Variants in NPAS3 observed in about 807,000 individuals in gnomAD.
NPAS3 encodes the protein neuronal PAS domain-containing protein 3.
NPAS3 carries 14 observed loss-of-function variants against 73.1 expected under a neutral mutation model. The ratio of observed to expected loss-of-function variants is 0.19; its 90% confidence interval spans 0.13 to 0.30. The LOEUF (loss-of-function observed/expected upper bound fraction) is 0.30, where lower values mean the gene tolerates loss of function less well. NPAS3 is among the 10% of genes least tolerant of loss of function. The pLI, the probability that NPAS3 is intolerant of heterozygous loss-of-function variation, is 1.00. For missense variants in NPAS3, 1,096 were observed against 1,250.0 expected (o/e 0.88, Z 1.86); for synonymous variants, 620 against 541.5 (o/e 1.14, Z -2.01).
intron 3 of NPAS3, among the ~76,000 whole-genome samples, chr14:33,350,500 C>T (rs1337091166): frequency 6.6e-6 from 1 of 152,148 alleles, no homozygotes; most frequent in African/African-American, 2.4e-5. Context: ...CCAAATCGTA[C>T]ATTAAACTAG....
At chr14:33,153,236 C>A (rs184217850) in intron 2 of NPAS3, among the ~76,000 whole-genome samples, 4 of 151,120 alleles carry the variant, frequency 2.6e-5, no homozygotes, top group Non-Finnish European at 1.5e-5. Flanking sequence ...TCATCTGAGT[C>A]GTATCTTCTG....
chr14:33,325,530 C>G (rs567995444), intron 3 of NPAS3, among the ~76,000 whole-genome samples: 1 of 151,494 alleles, frequency 6.6e-6, no homozygotes, highest in African/African-American at 2.4e-5. Context: ...CTTGTAATCC[C>G]AGCTACACAG....
intron 2 of NPAS3, among the ~76,000 whole-genome samples, chr14:33,059,388 GT>G (rs1442761928): frequency 9.2e-5 from 14 of 152,106 alleles, no homozygotes; most frequent in Admixed American, 8.5e-4. Context: ...AATAGTAATA[GT>G]TACTCTAACT....
Position 33,533,697 on chromosome 14 carries a change from T to C in NPAS3, c.469-26424T>C, listed in dbSNP as rs144849258. ...TTTGAAACCATGCTCCATAGAGGAATGGTTAAATTTATTATGAAATACCAT... is the reference window on the plus strand; with the variant it reads ...TTTGAAACCATGCTCCATAGAGGAACGGTTAAATTTATTATGAAATACCAT... On this transcript the variant is annotated intron_variant, in intron 4 of 11. Transcript: ENST00000356141. 2.0e-4 allele frequency among the ~76,000 whole-genome samples: 31 copies of C among 152,268 alleles called. 1 individual carries two copies. The highest frequency in any genetic ancestry group is 8.8e-5 in the Non-Finnish European group (6 of 68,002).
chr14:33,074,038 C>G (rs1442416988), intron 2 of NPAS3, among the ~76,000 whole-genome samples: 1 of 152,094 alleles, frequency 6.6e-6, no homozygotes, highest in African/African-American at 2.4e-5. Flanking sequence ...TGTTCTAGTC[C>G]CAGTATGCTG....
chr14:33,331,914 C>G (rs550428439), intron 3 of NPAS3, among the ~76,000 whole-genome samples: 1 of 152,256 alleles, frequency 6.6e-6, no homozygotes, highest in Admixed American at 6.5e-5. Flanking sequence ...TATCGGATTC[C>G]CTGACCTATA....
At chr14:33,293,825 A>G (rs1420074332) in intron 3 of NPAS3, among the ~76,000 whole-genome samples, 1 of 152,248 alleles carries the variant, frequency 6.6e-6, no homozygotes, top group East Asian at 1.9e-4. Context: ...GTTTAGAATT[A>G]ATTAGCCAGA....
intron 2 of NPAS3, among the ~76,000 whole-genome samples, chr14:33,114,913 A>G (rs568487200): frequency 2.5e-4 from 38 of 152,296 alleles, no homozygotes; most frequent in Admixed American, 6.5e-4. Flanking sequence ...GTATAATAAA[A>G]ATGAAGAGCA....
At chr14:33,362,157 A>C (rs762213946) in intron 3 of NPAS3, among the ~76,000 whole-genome samples, 3 of 152,198 alleles carry the variant, frequency 2.0e-5, no homozygotes, top group African/African-American at 4.8e-5. Context: ...GCTGGTACCC[A>C]GTGCTATTTC....
chr14:33,679,657 T>G (rs1239850149), intron 6 of NPAS3, among the ~76,000 whole-genome samples: 2 of 152,218 alleles, frequency 1.3e-5, no homozygotes, highest in African/African-American at 2.4e-5. Context: ...AGCCCTGATG[T>G]GTTCAGTGTA....
chr14:33,460,539 C>A (rs1372930546), intron 4 of NPAS3, among the ~76,000 whole-genome samples: 4 of 152,094 alleles, frequency 2.6e-5, no homozygotes, highest in Non-Finnish European at 4.4e-5. Flanking sequence ...TATGTATCAA[C>A]CCTTTCTGAA....
chr14:33,756,014 G>A (rs968451031), intron 7 of NPAS3, among the ~76,000 whole-genome samples: 1 of 152,120 alleles, frequency 6.6e-6, no homozygotes, highest in Admixed American at 6.5e-5. Context: ...CTGCCCCCAT[G>A]ACCCAAACAC....
chr14:33,576,394 G>T (rs1283123382), intron 5 of NPAS3, among the ~76,000 whole-genome samples: 1 of 152,130 alleles, frequency 6.6e-6, no homozygotes, highest in African/African-American at 2.4e-5. Context: ...TTTGGTGTCT[G>T]TCGCCTTGAG....
At chr14:33,478,060 G>T (rs991156074) in intron 4 of NPAS3, among the ~76,000 whole-genome samples, 1 of 152,112 alleles carries the variant, frequency 6.6e-6, no homozygotes, top group African/African-American at 2.4e-5. Flanking sequence ...GGCAACACTC[G>T]CATGCCCTCT....
chr14:33,208,430 G>A (rs1311084836), intron 2 of NPAS3, among the ~76,000 whole-genome samples: 1 of 152,070 alleles, frequency 6.6e-6, no homozygotes, highest in African/African-American at 2.4e-5. Context: ...ACATACACAA[G>A]GCATTTTCTG....
intron 7 of NPAS3, among the ~76,000 whole-genome samples, chr14:33,753,428 CG>C (rs1227727940): frequency 6.6e-6 from 1 of 151,386 alleles, no homozygotes; most frequent in Non-Finnish European, 1.5e-5. Flanking sequence ...AAGCCTTTCA[CG>C]TGTAACTGCA....
chr14:33,433,111 A>G lies in NPAS3; in HGVS notation c.468+65843A>G, dbSNP rs777844589. On this transcript the variant is annotated intron_variant, in intron 4 of 11. Transcript: ENST00000356141. ...GTATGGTTAGTATTAACTACATTTT[A>G]AGAAACTTGCAAATGTCAGAAAATT... 4.1e-4 allele frequency among the ~76,000 whole-genome samples: 63 copies of G among 152,226 alleles called. 1 individual carries two copies. Among genetic ancestry groups the G allele is most frequent in the Non-Finnish European group, 2.1e-4 (14 of 68,044 alleles).
chr14:33,364,119 CTG>C (rs1566834359), intron 3 of NPAS3, among the ~76,000 whole-genome samples: 1 of 152,138 alleles, frequency 6.6e-6, no homozygotes, highest in Non-Finnish European at 1.5e-5. Flanking sequence ...GTTTTAGAAA[CTG>C]TCAATTTCCA....
intron 4 of NPAS3, among the ~76,000 whole-genome samples, chr14:33,524,097 G>T (rs1199494332): frequency 6.6e-6 from 1 of 151,994 alleles, no homozygotes; most frequent in Non-Finnish European, 1.5e-5. Context: ...TTCATATTTT[G>T]CTCCTTCTTA....
Sources: allele counts gnomAD v4.1 joint callset (sites outside exome capture counted in the v4.1 genomes callset), GRCh38; gene constraint gnomAD v4.1.1; transcripts MANE v1.5; gene names NCBI Gene and HGNC (gene_info 2026-07-23, HGNC 2026-07-21).